Variants in NTRK3 observed in about 807,000 individuals in gnomAD.
The protein encoded by NTRK3 is neurotrophic receptor tyrosine kinase 3, also known as NT-3 growth factor receptor.
In NTRK3, 24 loss-of-function variants were observed where a neutral mutation model predicts 91.7. The observed-to-expected ratio is 0.26, with a 90% confidence interval of 0.19 to 0.37. NTRK3 has a LOEUF of 0.37. Ranked by LOEUF, NTRK3 falls within the 10% of genes least tolerant of loss-of-function variation. The probability of loss-of-function intolerance (pLI) is 1.00; values close to 1 mark genes in which losing one functional copy is unlikely to be tolerated. For synonymous variants in NTRK3, 483 were observed against 404.0 expected, an observed-to-expected ratio of 1.20 and a Z score of -2.34; for missense variants, 880 against 1,068.9, an observed-to-expected ratio of 0.82 and a Z score of 2.46.
intron 17 of NTRK3, 131 bp from the exon 18 acceptor site, chr15:87,885,866 T>C (rs745763937): frequency 1.0e-5 from 4 of 391,464 alleles, no homozygotes; most frequent in African/African-American, 2.1e-5. Context: ...GATTTAGAGA[T>C]ACAACTTACA....
At chr15:88,072,616 T>C (rs1207124922) in intron 13 of NTRK3, 1 of 232,316 alleles carries the variant, frequency 4.3e-6, no homozygotes, top group African/African-American at 2.2e-5. Context: ...ATAAACACAG[T>C]TTATTCTTAT....
intron 3 of NTRK3, among the ~76,000 whole-genome samples, chr15:88,247,170 G>C (rs540324843): frequency 4.7e-4 from 71 of 152,310 alleles, no homozygotes; most frequent in African/African-American, 1.7e-3. Context: ...GCCGGGTTTA[G>C]GACTTCGAAG....
chr15:88,249,171 A>T (rs779010554), intron 3 of NTRK3, among the ~76,000 whole-genome samples: 23 of 152,042 alleles, frequency 1.5e-4, no homozygotes, highest in Non-Finnish European at 2.5e-4. Context: ...AGGCAGGAGG[A>T]CTGGGGGCAG....
chr15:88,121,056 T>C (rs895239963), intron 13 of NTRK3, among the ~76,000 whole-genome samples: 2 of 152,140 alleles, frequency 1.3e-5, no homozygotes, highest in African/African-American at 2.4e-5. Context: ...AAGATACTTA[T>C]GAGGTGGTCA....
intron 14 of NTRK3, among the ~76,000 whole-genome samples, chr15:88,006,051 G>A (rs1469676095): frequency 1.3e-5 from 2 of 152,124 alleles, no homozygotes; most frequent in South Asian, 2.1e-4. Context: ...CTTCTCACAG[G>A]ACCATATCAG....
intron 14 of NTRK3, among the ~76,000 whole-genome samples, chr15:88,001,247 T>C (rs1278696101): frequency 6.6e-6 from 1 of 152,204 alleles, no homozygotes; most frequent in African/African-American, 2.4e-5. Flanking sequence ...TACTCCCTTA[T>C]CAGATATGAT....
At chr15:87,948,777 A>T (rs2070815989) in intron 14 of NTRK3, among the ~76,000 whole-genome samples, 1 of 152,246 alleles carries the variant, frequency 6.6e-6, no homozygotes, top group South Asian at 2.1e-4. Context: ...AATGACCACC[A>T]GCCCTGATTG....
At chr15:88,072,577 G>C (rs1424799771) in intron 13 of NTRK3, 3 of 232,438 alleles carry the variant, frequency 1.3e-5, no homozygotes, top group Non-Finnish European at 2.5e-5. Context: ...ATTTAAGCAA[G>C]ACAGCCAAAA....
At chr15:88,088,219 C>T (rs2048685649) in intron 13 of NTRK3, among the ~76,000 whole-genome samples, 1 of 152,108 alleles carries the variant, frequency 6.6e-6, no homozygotes, top group Non-Finnish European at 1.5e-5. Flanking sequence ...GTATCTACCC[C>T]AAGGAGTTGT....
At chr15:87,903,281 G>C (rs891340471) in intron 17 of NTRK3, among the ~76,000 whole-genome samples, 10 of 152,226 alleles carry the variant, frequency 6.6e-5, no homozygotes, top group African/African-American at 2.4e-4. Context: ...TGTCCCAAAA[G>C]AATTGCGGAA....
At chr15:88,092,522 C>A (rs1314056061) in intron 13 of NTRK3, among the ~76,000 whole-genome samples, 3 of 152,180 alleles carry the variant, frequency 2.0e-5, no homozygotes, top group African/African-American at 7.2e-5. Flanking sequence ...AATGTGGCCA[C>A]AAGCCAGACT....
chr15:87,966,212 C>A (rs2072781202), intron 14 of NTRK3, among the ~76,000 whole-genome samples: 1 of 152,220 alleles, frequency 6.6e-6, no homozygotes, highest in Admixed American at 6.5e-5. Context: ...CAGGCCTATT[C>A]CTTACATTTG....
intron 17 of NTRK3, among the ~76,000 whole-genome samples, chr15:87,903,432 C>T (rs1339128814): frequency 6.6e-6 from 1 of 152,194 alleles, no homozygotes; most frequent in Non-Finnish European, 1.5e-5. Flanking sequence ...TTCCCTGTAG[C>T]TCCTACAACC....
chr15:87,944,840 G>A (rs1374369403), intron 14 of NTRK3, among the ~76,000 whole-genome samples: 1 of 152,242 alleles, frequency 6.6e-6, no homozygotes, highest in Non-Finnish European at 1.5e-5. Context: ...TCAGGCCCTG[G>A]GGAATGACTG....
rs189907816 is a variant in NTRK3, at chr15:88,202,681, C to A, written c.249-18382G>T. ...GTTTCCATTCAAGCCCATCTCCTCA[C>A]CATGACCTGTGCAGCTGCACAGAGT... On this transcript the variant is annotated intron_variant, in intron 3 of 18. Coordinates refer to ENST00000394480, the Ensembl canonical transcript of NTRK3. Among the ~76,000 whole-genome samples the A allele has an allele frequency of 2.3e-3, 344 of 152,288 alleles. 5 individuals are homozygous for A. The East Asian group carries it at 0.023, about 10-fold the overall frequency.
intron 14 of NTRK3, among the ~76,000 whole-genome samples, chr15:87,952,020 G>C (rs905197799): frequency 8.5e-5 from 13 of 152,076 alleles, no homozygotes; most frequent in Non-Finnish European, 1.2e-4. Flanking sequence ...CTAGCTACTC[G>C]GGAAGCTGAG....
chr15:88,141,071 G>C (rs2042343021), intron 6 of NTRK3, among the ~76,000 whole-genome samples: 1 of 152,072 alleles, frequency 6.6e-6, no homozygotes, highest in Non-Finnish European at 1.5e-5. Context: ...GAAAGGAAGA[G>C]AGGACACATT....
intron 17 of NTRK3, among the ~76,000 whole-genome samples, chr15:87,901,412 G>A (rs906130754): frequency 2.0e-5 from 3 of 152,170 alleles, no homozygotes; most frequent in African/African-American, 7.2e-5. Context: ...TCTTTCTCAG[G>A]GTCACCTAGT....
chr15:88,139,947 G>T (rs2042235003), intron 6 of NTRK3, among the ~76,000 whole-genome samples: 1 of 150,716 alleles, frequency 6.6e-6, no homozygotes, highest in Admixed American at 6.6e-5. Context: ...GGGGGTGGGG[G>T]TAAGTAGAAG....
Sources: gnomAD v4.1 joint callset for allele counts (sites outside exome capture counted in the v4.1 genomes callset) on GRCh38, gnomAD v4.1.1 for gene constraint, MANE v1.5 for transcripts, NCBI Gene and HGNC (gene_info 2026-07-23, HGNC 2026-07-21) for gene names.